LSAMP: variants seen among roughly 807,000 people sequenced by gnomAD.
LSAMP encodes limbic system associated membrane protein.
Under a neutral mutation model 38.6 loss-of-function variants are expected in LSAMP, and 7 were observed. That is an observed-to-expected ratio of 0.18 (90% CI 0.10 to 0.34). The LOEUF is 0.34. Among genes scored for constraint, LSAMP ranks in the 10% least tolerant of loss-of-function variants. LSAMP has a pLI of 1.00. For missense variants in LSAMP, 313 were observed against 420.0 expected (o/e 0.75, Z 2.23); for synonymous variants, 154 against 166.8 (o/e 0.92, Z 0.59).
chr3:116,065,951 G>A (rs1311531795), intron 2 of LSAMP, among the ~76,000 whole-genome samples: 1 of 152,134 alleles, frequency 6.6e-6, no homozygotes, highest in East Asian at 1.9e-4. Context: ...ACACTCATGT[G>A]TTTATATAAG....
chr3:115,955,277 C>T (rs543816016), intron 3 of LSAMP, among the ~76,000 whole-genome samples: 48 of 152,132 alleles, frequency 3.2e-4, no homozygotes, highest in Admixed American at 8.5e-4. Flanking sequence ...AAACCTAAAC[C>T]TCATGCTAAA....
rs1472045940 is a variant in LSAMP, at chr3:115,807,774, A to G, written c.*2543T>C. On this transcript the variant is annotated 3_prime_UTR_variant, in exon 7 of 7. Coordinates refer to ENST00000490035, the MANE Select transcript of LSAMP (RefSeq NM_002338.5). The stretch of plus-strand genomic sequence containing the variant: ...GATACCCTTTATTCTTGAACTAAGA[A>G]GACCAAACTGTTAAGAGAAATACCT... The G allele has an allele frequency of 3.7e-4, 56 of 152,324 alleles. No homozygotes were observed. Among genetic ancestry groups the G allele is most frequent in the African/African-American group, 1.3e-3 (55 of 41,576 alleles). The allele number at this position is 152,324 out of a possible 1,614,324, so 9.4% of individuals were successfully genotyped here.
chr3:115,850,623 A>G (rs1400909140), intron 4 of LSAMP, among the ~76,000 whole-genome samples: 1 of 152,234 alleles, frequency 6.6e-6, no homozygotes, highest in Non-Finnish European at 1.5e-5. Flanking sequence ...TCAAAACTCT[A>G]TTACTAAAAA....
At chr3:115,931,981 G>C (rs942028839) in intron 3 of LSAMP, among the ~76,000 whole-genome samples, 1 of 152,148 alleles carries the variant, frequency 6.6e-6, no homozygotes, top group Non-Finnish European at 1.5e-5. Flanking sequence ...GGGATTCAAA[G>C]ATGAAACAGG....
At chr3:116,181,401 T>C (rs1368614121) in intron 1 of LSAMP, among the ~76,000 whole-genome samples, 4 of 151,986 alleles carry the variant, frequency 2.6e-5, no homozygotes, top group Non-Finnish European at 5.9e-5. Context: ...TCCTCAGTTG[T>C]CAGCCCCAAG....
intron 3 of LSAMP, among the ~76,000 whole-genome samples, chr3:115,912,714 T>G (rs1251804216): frequency 6.6e-6 from 1 of 152,224 alleles, no homozygotes; most frequent in Non-Finnish European, 1.5e-5. Context: ...GTGTGGTTAT[T>G]GTTTAAAAAA....
intron 1 of LSAMP, among the ~76,000 whole-genome samples, chr3:116,182,138 T>G (rs751077677): frequency 1.6e-4 from 25 of 151,974 alleles, no homozygotes; most frequent in Middle Eastern, 3.4e-3. Context: ...GGACTAGAAA[T>G]CATTCTCCCA....
chr3:116,191,356 G>A (rs1201801670), intron 1 of LSAMP, among the ~76,000 whole-genome samples: 1 of 152,162 alleles, frequency 6.6e-6, no homozygotes, highest in Non-Finnish European at 1.5e-5. Flanking sequence ...TACTGATGAA[G>A]TGGTCCAAGG....
chr3:116,277,875 C>T (rs2047076505), intron 1 of LSAMP, among the ~76,000 whole-genome samples: 1 of 152,112 alleles, frequency 6.6e-6, no homozygotes, highest in Admixed American at 6.6e-5. Context: ...ATTATGTTTG[C>T]TGCTTAATAA....
At chr3:116,108,362 C>G (rs533335616) in intron 1 of LSAMP, among the ~76,000 whole-genome samples, 156 of 152,108 alleles carry the variant, frequency 1.0e-3, no homozygotes, top group African/African-American at 3.6e-3. Flanking sequence ...GTTGGCTCCA[C>G]AGTTGGGGAG....
chr3:115,998,999 A>G (rs1037751783), intron 3 of LSAMP, among the ~76,000 whole-genome samples: 2 of 152,166 alleles, frequency 1.3e-5, no homozygotes, highest in African/African-American at 4.8e-5. Flanking sequence ...GTATCAATTT[A>G]AAGCAAAAAG....
intron 4 of LSAMP, among the ~76,000 whole-genome samples, chr3:115,844,142 T>C (rs1450336662): frequency 6.6e-6 from 1 of 152,230 alleles, no homozygotes; most frequent in African/African-American, 2.4e-5. Flanking sequence ...ATAGCATCCT[T>C]TCCAACTGTA....
At chr3:115,933,954 T>C (rs1031031756) in intron 3 of LSAMP, among the ~76,000 whole-genome samples, 4 of 151,974 alleles carry the variant, frequency 2.6e-5, no homozygotes, top group African/African-American at 7.3e-5. Context: ...TTCATTCTTT[T>C]AAAAATGTTG....
intron 6 of LSAMP, among the ~76,000 whole-genome samples, chr3:115,823,674 A>G (rs1934319152): frequency 6.6e-6 from 1 of 152,244 alleles, no homozygotes; most frequent in Admixed American, 6.5e-5. Flanking sequence ...AGAAAAGGAA[A>G]TAATCATTTT....
intron 1 of LSAMP, among the ~76,000 whole-genome samples, chr3:116,087,876 A>T (rs1407235246): frequency 6.6e-6 from 1 of 151,576 alleles, no homozygotes; most frequent in Non-Finnish European, 1.5e-5. Flanking sequence ...AACGAATTGT[A>T]TATGTTATTT....
intron 3 of LSAMP, among the ~76,000 whole-genome samples, chr3:115,889,300 G>C (rs563937435): frequency 1.3e-5 from 2 of 151,920 alleles, no homozygotes; most frequent in African/African-American, 4.8e-5. Flanking sequence ...ATCTAAATGC[G>C]CTTATGCTGG....
intron 1 of LSAMP, among the ~76,000 whole-genome samples, chr3:116,165,073 C>G (rs906537872): frequency 6.6e-6 from 1 of 152,120 alleles, no homozygotes. Flanking sequence ...ATTAATCATG[C>G]AATGCTTCAT....
chr3:115,948,015 T>C (rs1342088961), intron 3 of LSAMP, among the ~76,000 whole-genome samples: 1 of 152,190 alleles, frequency 6.6e-6, no homozygotes, highest in East Asian at 1.9e-4. Flanking sequence ...GATTGAGCTA[T>C]GCAGAAAGGT....
chr3:116,333,224 G>T (rs2047873998), intron 1 of LSAMP, among the ~76,000 whole-genome samples: 1 of 151,912 alleles, frequency 6.6e-6, no homozygotes, highest in South Asian at 2.1e-4. Context: ...CCTACATTAG[G>T]CCACAAAGGA....
Sources: allele counts gnomAD v4.1 joint callset (sites outside exome capture counted in the v4.1 genomes callset), GRCh38; gene constraint gnomAD v4.1.1; transcripts MANE v1.5; gene names NCBI Gene and HGNC (gene_info 2026-07-23, HGNC 2026-07-21).